Variants in L3MBTL4 observed in about 807,000 individuals in gnomAD.
The protein encoded by L3MBTL4 is L3MBTL histone methyl-lysine binding protein 4.
L3MBTL4 carries 70 observed loss-of-function variants against 84.5 expected under a neutral mutation model. That is an observed-to-expected ratio of 0.83 (90% CI 0.68 to 1.01). L3MBTL4 has a LOEUF of 1.01. Ranked by LOEUF, L3MBTL4 falls within the 50% of genes least tolerant of loss-of-function variation. The pLI is 0.00. For synonymous variants in L3MBTL4, 274 were observed against 259.8 expected, an observed-to-expected ratio of 1.05 and a Z score of -0.52; for missense variants, 715 against 754.8, an observed-to-expected ratio of 0.95 and a Z score of 0.62.
rs549015668 is a variant in L3MBTL4 at position 6,086,443 on chromosome 18, C to T, written c.1374-5492G>A. On this transcript the variant is annotated intron_variant, in intron 15 of 18. Coordinates refer to ENST00000317931, the MANE Select transcript of L3MBTL4 (RefSeq NM_001330559.2). ...TATTTTGAAGACATGGCATGGCATC[C>T]ATGGGTTATTTCATAACGTTTCAGC... Among the ~76,000 whole-genome samples the T allele has an allele frequency of 2.0e-5, 3 of 152,216 alleles. No homozygotes were observed. The South Asian group carries it at 6.2e-4, about 32-fold the overall frequency.
intron 16 of L3MBTL4, among the ~76,000 whole-genome samples, chr18:6,035,430 C>G (rs1317540838): frequency 1.3e-5 from 2 of 150,596 alleles, no homozygotes; most frequent in East Asian, 1.9e-4. Flanking sequence ...GCTTGTTTTT[C>G]TCAGGTTTGT....
intron 16 of L3MBTL4, among the ~76,000 whole-genome samples, chr18:6,064,684 T>G (rs2057344351): frequency 6.6e-6 from 1 of 151,806 alleles, no homozygotes; most frequent in African/African-American, 2.4e-5. Context: ...CCTACTGATT[T>G]GTGTACATTG....
intron 1 of L3MBTL4, among the ~76,000 whole-genome samples, chr18:6,399,521 AGTAATT>A (rs1466062178): frequency 6.6e-6 from 1 of 152,228 alleles, no homozygotes; most frequent in African/African-American, 2.4e-5. Context: ...TTAACTGCAT[AGTAATT>A]GTCAGCCATA....
At chr18:6,015,580 T>G (rs535851241) in intron 16 of L3MBTL4, among the ~76,000 whole-genome samples, 1 of 152,302 alleles carries the variant, frequency 6.6e-6, no homozygotes, top group East Asian at 1.9e-4. Flanking sequence ...TCCAAATATT[T>G]GTTGAGCCAG....
intron 14 of L3MBTL4, among the ~76,000 whole-genome samples, chr18:6,095,346 GTT>G (rs71370544): frequency 1.2e-4 from 15 of 122,908 alleles, no homozygotes; most frequent in East Asian, 2.2e-4. Context: ...GGGGAACATG[GTT>G]TTTTTTTTTT....
At chr18:6,312,635 G>A (rs2050893513) in intron 1 of L3MBTL4, among the ~76,000 whole-genome samples, 1 of 152,158 alleles carries the variant, frequency 6.6e-6, no homozygotes, top group Non-Finnish European at 1.5e-5. Context: ...AGGAGAAAAT[G>A]CATCTTTTTC....
At chr18:6,290,819 T>C (rs2049830629) in intron 4 of L3MBTL4, among the ~76,000 whole-genome samples, 2 of 152,196 alleles carry the variant, frequency 1.3e-5, no homozygotes, top group African/African-American at 4.8e-5. Flanking sequence ...TGAGCCACCA[T>C]GCCCAGCGAG....
At chr18:6,408,692 T>C (rs1299507229) in intron 1 of L3MBTL4, among the ~76,000 whole-genome samples, 1 of 151,770 alleles carries the variant, frequency 6.6e-6, no homozygotes, top group Non-Finnish European at 1.5e-5. Context: ...TCTTCTTTTT[T>C]TTTTTTTGAG....
At position 6,243,313 on chromosome 18, in the gene L3MBTL4, A is replaced by G. The variant is rs2047526832; in HGVS notation, c.441T>C (p.His147=). The part of the protein sequence containing the change: ...HPVGWCEKTK[H]ELHIPKGYRK... ...GCTTACCCTTAGGGATGTGCAGTTC[A>G]TGTTTGGTCTTTTCACACCATCCTA... The change falls in exon 7 of 19, where the codon CAT becomes CAC. Residue 147 remains histidine, a synonymous_variant. Transcript: ENST00000317931. The G allele has an allele frequency of 6.3e-7, 1 of 1,595,486 alleles. No individual in the cohort carries two copies. Among genetic ancestry groups the G allele is most frequent in the Non-Finnish European group, 8.5e-7 (1 of 1,172,046 alleles).
At chr18:6,171,685 T>A (rs2043977365) in intron 13 of L3MBTL4, 143 bp downstream of exon 13, 3 of 465,572 alleles carry the variant, frequency 6.4e-6, no homozygotes, top group African/African-American at 6.0e-5. Context: ...TTGTAAATAA[T>A]CGGCTTTCAG....
intron 13 of L3MBTL4, among the ~76,000 whole-genome samples, chr18:6,152,963 T>A (rs190046855): frequency 1.3e-5 from 2 of 152,318 alleles, no homozygotes; most frequent in Admixed American, 1.3e-4. Context: ...GATATGTAGT[T>A]TTCCCAGAAC....
chr18:6,285,546 C>T (rs78124054), intron 4 of L3MBTL4, among the ~76,000 whole-genome samples: 6,655 of 151,826 alleles, frequency 0.044, 424 homozygotes, highest in African/African-American at 0.14. Context: ...ATAAATTGGG[C>T]CATTCTTGTC....
chr18:6,292,760 C>CT (rs1292446592), intron 4 of L3MBTL4, among the ~76,000 whole-genome samples: 2 of 152,178 alleles, frequency 1.3e-5, no homozygotes, highest in Non-Finnish European at 2.9e-5. Flanking sequence ...GGACAAAGTA[C>CT]TCAGGGAACA....
At chr18:6,091,912 C>T (rs1007613400) in intron 15 of L3MBTL4, among the ~76,000 whole-genome samples, 12 of 152,012 alleles carry the variant, frequency 7.9e-5, no homozygotes, top group African/African-American at 2.7e-4. Context: ...AAGCACTGTT[C>T]CTTGGAAATA....
intron 1 of L3MBTL4, among the ~76,000 whole-genome samples, chr18:6,410,749 C>T (rs2055932648): frequency 6.6e-6 from 1 of 152,150 alleles, no homozygotes; most frequent in Non-Finnish European, 1.5e-5. Context: ...ATTTATTAAT[C>T]AATTATTAAT....
At chr18:6,164,458 G>A (rs1389033743) in intron 13 of L3MBTL4, among the ~76,000 whole-genome samples, 1 of 152,186 alleles carries the variant, frequency 6.6e-6, no homozygotes, top group East Asian at 1.9e-4. Context: ...ACCTCACACG[G>A]CTGGGTACTC....
chr18:6,130,259 G>A (rs997017741), intron 14 of L3MBTL4, among the ~76,000 whole-genome samples: 1 of 149,510 alleles, frequency 6.7e-6, no homozygotes, highest in Non-Finnish European at 1.5e-5. Context: ...CCCCCCACCC[G>A]CCACACACAC....
intron 4 of L3MBTL4, among the ~76,000 whole-genome samples, chr18:6,287,626 T>C (rs768417397): frequency 5.3e-5 from 8 of 152,194 alleles, no homozygotes; most frequent in Non-Finnish European, 1.0e-4. Flanking sequence ...CTAAAAGGAA[T>C]AGCAACATTC....
At chr18:6,370,686 C>T (rs2054124363) in intron 1 of L3MBTL4, among the ~76,000 whole-genome samples, 2 of 152,158 alleles carry the variant, frequency 1.3e-5, no homozygotes, top group African/African-American at 2.4e-5. Context: ...GGTGAAGAGT[C>T]CTCCCTGTTG....
Sources: gnomAD v4.1 joint callset for allele counts (sites outside exome capture counted in the v4.1 genomes callset) on GRCh38, gnomAD v4.1.1 for gene constraint, MANE v1.5 for transcripts, NCBI Gene and HGNC (gene_info 2026-07-23, HGNC 2026-07-21) for gene names.